Variants in CPS1 observed in about 807,000 individuals in gnomAD.
The protein encoded by CPS1 is carbamoyl-phosphate synthase [ammonia], mitochondrial.
A neutral mutation model predicts 174.6 loss-of-function variants in CPS1; 109 were observed. That is an observed-to-expected ratio of 0.62 (90% CI 0.53 to 0.73). The LOEUF (loss-of-function observed/expected upper bound fraction) is 0.73. Among genes scored for constraint, CPS1 ranks in the 30% least tolerant of loss-of-function variants. CPS1 has a pLI of 0.00. For synonymous variants in CPS1, 637 were observed against 632.0 expected, an observed-to-expected ratio of 1.01 and a Z score of -0.12; for missense variants, 1,689 against 1,821.9, an observed-to-expected ratio of 0.93 and a Z score of 1.33.
At chr2:210,530,918 G>T (rs749486067) in intron 1 of CPS1, among the ~76,000 whole-genome samples, 9 of 151,732 alleles carry the variant, frequency 5.9e-5, no homozygotes, top group Non-Finnish European at 8.8e-5. Flanking sequence ...AGTTAATTAT[G>T]CACAGTAAGC....
intron 30 of CPS1, 78 bp downstream of exon 30, chr2:210,656,710 A>T (rs1474088181): frequency 6.1e-4 from 468 of 769,268 alleles, no homozygotes; most frequent in East Asian, 8.9e-4. Flanking sequence ...TTTTTTTTTT[A>T]AAGCTAGGTA....
intron 33 of CPS1, among the ~76,000 whole-genome samples, chr2:210,665,734 A>G (rs1393668516): frequency 1.3e-5 from 2 of 150,900 alleles, no homozygotes; most frequent in African/African-American, 2.4e-5. Flanking sequence ...ATTGTTGGAC[A>G]TTTGGGTTGG....
At chr2:210,661,903 C>CTTTTT (rs397987631) in intron 32 of CPS1, among the ~76,000 whole-genome samples, 5 of 106,646 alleles carry the variant, frequency 4.7e-5, no homozygotes, top group Admixed American at 1.1e-4. Context: ...GATAGATATG[C>CTTTTT]TTTTTTTTTT....
At chr2:210,582,524 C>A in intron 5 of CPS1, 93 bp from the exon 6 acceptor site, 1 of 886,290 alleles carries the variant, frequency 1.1e-6, no homozygotes, top group Non-Finnish European at 1.9e-6. Context: ...ACATCTAAGT[C>A]TTGCAGCAGC....
chr2:210,606,253 TG>T (rs1698904362), intron 17 of CPS1, among the ~76,000 whole-genome samples: 2 of 151,938 alleles, frequency 1.3e-5, no homozygotes, highest in Admixed American at 1.3e-4. Context: ...CTGGCAATGT[TG>T]GGAGAAGACT....
intron 1 of CPS1, among the ~76,000 whole-genome samples, chr2:210,497,017 A>C (rs1194496217): frequency 6.6e-6 from 1 of 152,144 alleles, no homozygotes; most frequent in Non-Finnish European, 1.5e-5. Flanking sequence ...AACTGATTAT[A>C]TCTTTCCTTC....
intron 11 of CPS1, 21 bp downstream of exon 11, chr2:210,592,977 C>T (rs1378443636): frequency 3.1e-6 from 5 of 1,599,406 alleles, no homozygotes; most frequent in Non-Finnish European, 4.3e-6. Context: ...AAGATGAGGC[C>T]TATTATGTAT....
chr2:210,512,152 A>T (rs1695511324), intron 1 of CPS1, among the ~76,000 whole-genome samples: 1 of 152,074 alleles, frequency 6.6e-6, no homozygotes, highest in Non-Finnish European at 1.5e-5. Context: ...CGAAACATGG[A>T]TGGTGACTTT....
chr2:210,587,529 G>A (rs971008066), intron 6 of CPS1, among the ~76,000 whole-genome samples: 3 of 151,912 alleles, frequency 2.0e-5, no homozygotes, highest in African/African-American at 7.2e-5. Context: ...TAAAGGGACT[G>A]GTGGTCTATA....
At chr2:210,555,527 G>A, upstream of CPS1, 1 of 437,206 alleles carries the variant, frequency 2.3e-6, no homozygotes, top group African/African-American at 2.0e-5. Flanking sequence ...TAAGCGTGAG[G>A]ACTTAAATTA....
chr2:210,548,252 ATT>A (rs1240687117), intron 1 of CPS1, among the ~76,000 whole-genome samples: 1 of 151,966 alleles, frequency 6.6e-6, no homozygotes. Context: ...AATTTCTATC[ATT>A]ACTGCTTGAC....
chr2:210,592,086 C>T (rs1028631451), intron 10 of CPS1, 117 bp downstream of exon 10: 8 of 1,148,386 alleles, frequency 7.0e-6, no homozygotes, highest in Non-Finnish European at 9.9e-6. Flanking sequence ...TTGATACATG[C>T]ATATCATATG....
chr2:210,500,577 T>G (rs936584535), intron 1 of CPS1, among the ~76,000 whole-genome samples: 2 of 152,178 alleles, frequency 1.3e-5, no homozygotes, highest in African/African-American at 2.4e-5. Context: ...TCATTAAAAC[T>G]TAAAGCTCCA....
intron 1 of CPS1, among the ~76,000 whole-genome samples, chr2:210,522,846 A>G (rs1488970916): frequency 3.3e-5 from 5 of 152,016 alleles, no homozygotes. Flanking sequence ...ATGAGCAGGT[A>G]AAAGTACTCT....
intron 1 of CPS1, among the ~76,000 whole-genome samples, chr2:210,571,087 A>C (rs756149719): frequency 6.6e-6 from 1 of 151,964 alleles, no homozygotes. Context: ...CAGAATTCAG[A>C]CTTCTGTATT....
At chr2:210,549,590 A>G (rs1696668158) in intron 1 of CPS1, among the ~76,000 whole-genome samples, 1 of 152,058 alleles carries the variant, frequency 6.6e-6, no homozygotes, top group South Asian at 2.1e-4. Flanking sequence ...CAGAACTTAT[A>G]TTTCTATACT....
intron 20 of CPS1, 116 bp downstream of exon 20, chr2:210,612,409 T>A (rs1020575742): frequency 2.0e-6 from 2 of 995,572 alleles, no homozygotes; most frequent in Non-Finnish European, 1.6e-6. Context: ...TTTTGGAAAA[T>A]TTTTAATTCT....
rs6743156 is a variant in CPS1 at position 210,599,262 on chromosome 2, G to A, written c.1360-110G>A. 7.4e-3 allele frequency: 6,887 copies of A among 931,082 alleles called. 163 individuals carry two copies. Among genetic ancestry groups the A allele is most frequent in the African/African-American group, 0.066 (4,029 of 61,110 alleles). The allele number at this position is 931,082 out of a possible 1,614,324, so 57.7% of individuals were successfully genotyped here. The stretch of plus-strand genomic sequence containing the variant: ...CACTAGTCCTGTTACGGATCTCTAC[G>A]GCCCACAGATAACCTAAAAGCTTAG... On this transcript the variant is annotated intron_variant, in intron 13 of 37. Transcript: ENST00000233072.
intron 21 of CPS1, among the ~76,000 whole-genome samples, chr2:210,629,448 C>G (rs1035962878): frequency 8.6e-5 from 13 of 151,566 alleles, no homozygotes; most frequent in South Asian, 4.2e-4. Flanking sequence ...CCGAGTAGCT[C>G]GGACTACAGG....
Sources: allele counts gnomAD v4.1 joint callset (sites outside exome capture counted in the v4.1 genomes callset), GRCh38; gene constraint gnomAD v4.1.1; transcripts MANE v1.5; gene names NCBI Gene and HGNC (gene_info 2026-07-23, HGNC 2026-07-21).